The following FAM171B variants were observed in gnomAD, a reference collection of about 807,000 sequenced individuals.
FAM171B encodes the protein protein FAM171B.
Under a neutral mutation model 75.6 loss-of-function variants are expected in FAM171B, and 19 were observed. That is an observed-to-expected ratio of 0.25 (90% CI 0.18 to 0.37). The LOEUF (loss-of-function observed/expected upper bound fraction) is 0.37, where lower values mean the gene tolerates loss of function less well. Among genes scored for constraint, FAM171B ranks in the 10% least tolerant of loss-of-function variants. The pLI is 1.00. For missense variants in FAM171B, 848 were observed against 982.4 expected (o/e 0.86, Z 1.83); for synonymous variants, 367 against 361.7 (o/e 1.01, Z -0.17).
chr2:186,714,235 A>G (rs1453308878), intron 1 of FAM171B, among the ~76,000 whole-genome samples: 1 of 152,022 alleles, frequency 6.6e-6, no homozygotes, highest in Non-Finnish European at 1.5e-5. Flanking sequence ...GAGGCAGCGG[A>G]TTGATTAATA....
intron 6 of FAM171B, among the ~76,000 whole-genome samples, chr2:186,754,796 C>T (rs1690507896): frequency 6.6e-6 from 1 of 152,168 alleles, no homozygotes; most frequent in Non-Finnish European, 1.5e-5. Context: ...AGACCCAACA[C>T]AAATTTGTAA....
intron 5 of FAM171B, among the ~76,000 whole-genome samples, chr2:186,751,980 T>TGGC (rs1490148256): frequency 1.3e-5 from 2 of 152,152 alleles, no homozygotes; most frequent in Non-Finnish European, 2.9e-5. Context: ...GGCTTGGGCT[T>TGGC]GGTTTCTCTC....
chr2:186,757,222 G>A (rs774855712), intron 6 of FAM171B, among the ~76,000 whole-genome samples: 13 of 152,118 alleles, frequency 8.5e-5, no homozygotes, highest in Non-Finnish European at 1.3e-4. Flanking sequence ...CCTGCCCAGA[G>A]TCAAGTTAGA....
At chr2:186,755,170 T>C (rs561253057) in intron 6 of FAM171B, among the ~76,000 whole-genome samples, 1 of 152,186 alleles carries the variant, frequency 6.6e-6, no homozygotes, top group African/African-American at 2.4e-5. Context: ...AAAGAAAAAT[T>C]CTCTAACCTG....
At chr2:186,716,523 T>C (rs1689877206) in intron 1 of FAM171B, among the ~76,000 whole-genome samples, 1 of 152,236 alleles carries the variant, frequency 6.6e-6, no homozygotes, top group Non-Finnish European at 1.5e-5. Flanking sequence ...CTTATTGATA[T>C]ATTTGCATCT....
At chr2:186,694,451 C>G in intron 1 of FAM171B, 40 bp downstream of exon 1, 2 of 1,587,656 alleles carry the variant, frequency 1.3e-6, no homozygotes, top group African/African-American at 1.3e-5. Context: ...CAGTCTCGGC[C>G]GGCGATCTCT....
intron 1 of FAM171B, among the ~76,000 whole-genome samples, chr2:186,721,405 A>C (rs904854878): frequency 2.0e-5 from 3 of 152,208 alleles, no homozygotes; most frequent in Non-Finnish European, 2.9e-5. Context: ...GTTATATAAG[A>C]TTCTCATTCA....
intron 1 of FAM171B, among the ~76,000 whole-genome samples, chr2:186,715,666 A>G (rs1228705118): frequency 6.6e-6 from 1 of 152,186 alleles, no homozygotes; most frequent in Non-Finnish European, 1.5e-5. Context: ...TTTCCCAACA[A>G]TTTACTATGT....
In FAM171B at chr2:186,717,036, G is replaced by A. The variant is rs1189388980; in HGVS notation, c.238+22625G>A. 2.6e-5 allele frequency among the ~76,000 whole-genome samples: 4 copies of A among 152,102 alleles called. No individual in the cohort carries two copies. The East Asian group carries it at 7.7e-4, about 29-fold the overall frequency. On this transcript the variant is annotated intron_variant, in intron 1 of 7. Transcript: ENST00000304698. ...GCAGACAGGTAGTGTAACTTGCCAC[G>A]ATGATGTGGGTAGTGAGAAATGGAG... is the stretch of plus-strand genomic sequence containing the variant.
intron 1 of FAM171B, among the ~76,000 whole-genome samples, chr2:186,699,514 T>C (rs1480535314): frequency 6.6e-6 from 1 of 152,162 alleles, no homozygotes; most frequent in Non-Finnish European, 1.5e-5. Context: ...GTTCCTTATA[T>C]ATTCTGGTTA....
chr2:186,746,912 CT>C (rs1174256526), intron 3 of FAM171B, among the ~76,000 whole-genome samples, 179 bp from the exon 4 acceptor site: 1 of 152,142 alleles, frequency 6.6e-6, no homozygotes, highest in Non-Finnish European at 1.5e-5. Context: ...ACAAAGGTGC[CT>C]TGTGTCATCT....
chr2:186,694,494 A>C, intron 1 of FAM171B, 83 bp downstream of exon 1: 1 of 1,468,676 alleles, frequency 6.8e-7, no homozygotes, highest in East Asian at 2.5e-5. Flanking sequence ...CCCCTTCCCT[A>C]TCCATTCCTA....
At chr2:186,696,959 C>T (rs1211989258) in intron 1 of FAM171B, among the ~76,000 whole-genome samples, 2 of 151,834 alleles carry the variant, frequency 1.3e-5, no homozygotes, top group Non-Finnish European at 2.9e-5. Context: ...TCGAAGAGCA[C>T]CTGGTTGGTA....
At chr2:186,743,012 C>G (rs984818754) in intron 2 of FAM171B, among the ~76,000 whole-genome samples, 7 of 152,040 alleles carry the variant, frequency 4.6e-5, no homozygotes, top group African/African-American at 1.4e-4. Context: ...GCAAACCACA[C>G]TGTTTGCAGA....
intron 1 of FAM171B, among the ~76,000 whole-genome samples, chr2:186,725,064 G>T (rs1228404407): frequency 6.6e-6 from 1 of 152,112 alleles, no homozygotes; most frequent in Non-Finnish European, 1.5e-5. Flanking sequence ...TGCTGAGTAG[G>T]CCAGGCGCGA....
chr2:186,751,084 A>C, intron 4 of FAM171B, 50 bp from the exon 5 acceptor site: 2 of 1,400,770 alleles, frequency 1.4e-6, no homozygotes, highest in Non-Finnish European at 1.9e-6. Flanking sequence ...TAATTAGGTA[A>C]CTACCACCTC....
intron 1 of FAM171B, among the ~76,000 whole-genome samples, chr2:186,701,390 C>G (rs964579781): frequency 7.9e-5 from 12 of 152,214 alleles, no homozygotes; most frequent in African/African-American, 2.6e-4. Context: ...ACCAAATTTC[C>G]AGTATACAGT....
At chr2:186,722,190 G>A (rs1689966083) in intron 1 of FAM171B, among the ~76,000 whole-genome samples, 1 of 152,160 alleles carries the variant, frequency 6.6e-6, no homozygotes, top group Admixed American at 6.5e-5. Flanking sequence ...TGGCACCCCT[G>A]TGAGTTTGTT....
At position 186,694,473 on chromosome 2, in the gene FAM171B, C is replaced by T. The variant is rs553487108; in HGVS notation, c.238+62C>T. On this transcript the variant is annotated intron_variant, in intron 1 of 7. Transcript: ENST00000304698. ...GGCCGGCGATCTCTTAGGGCCTCGC[C>T]GGCTTCCTCGCCCCTTCCCTATCCA... is the stretch of plus-strand genomic sequence containing the variant. 39 of 1,534,374 alleles carry T rather than the reference C, an allele frequency of 2.5e-5. No homozygotes were observed. In the South Asian group the frequency reaches 4.8e-4, roughly 19 times the overall value.
Sources: gnomAD v4.1 joint callset for allele counts (sites outside exome capture counted in the v4.1 genomes callset) on GRCh38, gnomAD v4.1.1 for gene constraint, MANE v1.5 for transcripts, NCBI Gene and HGNC (gene_info 2026-07-23, HGNC 2026-07-21) for gene names.